Variants in TRAPPC10 observed in about 807,000 individuals in gnomAD.
TRAPPC10 encodes trafficking protein particle complex subunit 10.
A neutral mutation model predicts 125.5 loss-of-function variants in TRAPPC10; 23 were observed. The ratio of observed to expected loss-of-function variants is 0.18; its 90% CI spans 0.13 to 0.26. The LOEUF is 0.26. TRAPPC10 is among the 10% of genes least tolerant of loss of function. The pLI, the probability that TRAPPC10 is intolerant of heterozygous loss-of-function variation, is 1.00. For missense variants in TRAPPC10, 1,123 were observed against 1,308.4 expected, an observed-to-expected ratio of 0.86 and a Z score of 2.19; for synonymous variants, 509 against 518.0, an observed-to-expected ratio of 0.98 and a Z score of 0.24.
chr21:44,065,383 C>A (rs553113746), intron 7 of TRAPPC10, among the ~76,000 whole-genome samples: 1 of 152,186 alleles, frequency 6.6e-6, no homozygotes, highest in African/African-American at 2.4e-5. Flanking sequence ...AGCCTCTTAT[C>A]CGTGGTGTAT....
rs573535796 is a variant in TRAPPC10, at chr21:44,092,786, T to C, written c.2997+737T>C. Among the ~76,000 whole-genome samples, 22 of 152,176 alleles carry C rather than the reference T, an allele frequency of 1.4e-4. No individual in the cohort carries two copies. In the South Asian group the frequency reaches 3.9e-3, roughly 27 times the overall value. On this transcript the variant is annotated intron_variant, in intron 19 of 22. Coordinates refer to ENST00000291574, the MANE Select transcript of TRAPPC10 (RefSeq NM_003274.5). ...GATGTAAAGATTACTTTTTATCTTATTTTTTAAATTTTTATTTATCTTTTT... is the reference window on the plus strand; with the variant it reads ...GATGTAAAGATTACTTTTTATCTTACTTTTTAAATTTTTATTTATCTTTTT...
chr21:44,042,003 C>T (rs1268752371), intron 3 of TRAPPC10, among the ~76,000 whole-genome samples: 3 of 152,144 alleles, frequency 2.0e-5, no homozygotes, highest in East Asian at 1.9e-4. Flanking sequence ...TGAACCACGG[C>T]GCCCAGCCCC....
chr21:44,083,315 G>C lies in TRAPPC10; in HGVS notation c.2238+13G>C. On this transcript the variant is annotated intron_variant, in intron 14 of 22. Transcript: ENST00000291574. ...ATTCAGGACTCAGGTATGCGTTCAG[G>C]GTGGGAACTTGACTTTCAAGTTTGT... is the stretch of plus-strand genomic sequence containing the variant. 6.2e-7 allele frequency: 1 copy of C among 1,605,994 alleles called. No individual in the cohort carries two copies. The highest frequency in any genetic ancestry group is 8.5e-7 in the Non-Finnish European group (1 of 1,175,116).
At chr21:44,094,694 A>G (rs2038809248) in intron 20 of TRAPPC10, among the ~76,000 whole-genome samples, 1 of 152,226 alleles carries the variant, frequency 6.6e-6, no homozygotes, top group Non-Finnish European at 1.5e-5. Flanking sequence ...CATTTGGTAG[A>G]AGCCAATTTG....
At chr21:44,046,307 A>G (rs1176191363) in intron 3 of TRAPPC10, 1 of 251,742 alleles carries the variant, frequency 4.0e-6, no homozygotes, top group Non-Finnish European at 8.7e-6. Context: ...CAGCTGGTAG[A>G]GTATTTAGAG....
chr21:44,084,881 T>C (rs989419354), intron 15 of TRAPPC10, among the ~76,000 whole-genome samples: 1 of 152,216 alleles, frequency 6.6e-6, no homozygotes, highest in Non-Finnish European at 1.5e-5. Context: ...TGGATTATTA[T>C]AAGGGATATA....
At chr21:44,083,850 T>C (rs1569212070) in intron 14 of TRAPPC10, among the ~76,000 whole-genome samples, 1 of 152,242 alleles carries the variant, frequency 6.6e-6, no homozygotes, top group Non-Finnish European at 1.5e-5. Flanking sequence ...TGAATGTCTC[T>C]ACAATGCCAC....
chr21:44,073,872 C>G (rs1448863684), intron 7 of TRAPPC10, among the ~76,000 whole-genome samples: 1 of 152,098 alleles, frequency 6.6e-6, no homozygotes, highest in Admixed American at 6.5e-5. Context: ...TGTGACCAAG[C>G]AGTCATTTGA....
chr21:44,064,271 G>A (rs1193015633), intron 7 of TRAPPC10, among the ~76,000 whole-genome samples: 2 of 152,068 alleles, frequency 1.3e-5, no homozygotes, highest in South Asian at 4.1e-4. Flanking sequence ...TTGATTAGTA[G>A]TACGGAGCTT....
At chr21:44,031,918 G>T (rs559140007) in intron 1 of TRAPPC10, among the ~76,000 whole-genome samples, 173 bp from the exon 2 acceptor site, 2 of 152,282 alleles carry the variant, frequency 1.3e-5, no homozygotes, top group African/African-American at 4.8e-5. Flanking sequence ...CATCTGTCCC[G>T]TGCTGGGTTT....
At position 44,059,521 on chromosome 21, in the gene TRAPPC10, C is replaced by A. The variant is rs768720447; in HGVS notation, c.790+307C>A. The A allele has an allele frequency of 5.3e-6, 4 of 751,782 alleles. No homozygotes were observed. The Admixed American group carries it at 7.2e-5, about 14-fold the overall frequency. 46.6% of individuals were successfully genotyped at this position (751,782 alleles called of 1,614,324 possible). A position where few individuals can be genotyped will look rare whatever the true frequency, so the allele number is the denominator to read the frequency against. On this transcript the variant is annotated intron_variant, in intron 6 of 22. Coordinates refer to ENST00000291574, the MANE Select transcript of TRAPPC10 (RefSeq NM_003274.5). This position sits in a 1 kb window ranked among gnomAD's most constrained non-coding sequence, Gnocchi z 4.4. ...CTGCTGGTGATGCTTCGATTCTGTC[C>A]CTCGTTAGAATCAGAGTGGACGTCC...
At chr21:44,052,705 A>C (rs1347599060) in intron 4 of TRAPPC10, among the ~76,000 whole-genome samples, 1 of 151,802 alleles carries the variant, frequency 6.6e-6, no homozygotes, top group Non-Finnish European at 1.5e-5. Context: ...TCTTGGGCCC[A>C]TAGTCCTGGG....
chr21:44,073,477 A>G (rs564766781), intron 7 of TRAPPC10, among the ~76,000 whole-genome samples: 17 of 152,296 alleles, frequency 1.1e-4, no homozygotes, highest in East Asian at 1.9e-4. Flanking sequence ...AATGTGGGGG[A>G]AAACTGCATC....
rs141930416 is a variant in TRAPPC10, at chr21:44,083,077, G to C, written c.2013G>C (p.Leu671Phe). The change falls in exon 14 of 23, where the codon TTG (leucine) becomes TTC (phenylalanine). Residue 671 changes from leucine (L) to phenylalanine (F), a missense_variant. Coordinates refer to ENST00000291574, the MANE Select transcript of TRAPPC10 (RefSeq NM_003274.5). ...CTTTCCCTGTATCCCAAAACAGTTTGCCCGCGCTGGAGTTGTATGAAATGT... is the reference window on the plus strand; with the variant it reads ...CTTTCCCTGTATCCCAAAACAGTTTCCCCGCGCTGGAGTTGTATGAAATGT... ...TAPFPVSQNS[L>F]PALELYEMFE... 363 of 1,614,048 alleles carry C rather than the reference G, an allele frequency of 2.2e-4. 1 individual carries two copies. The highest frequency in any genetic ancestry group is 6.6e-4 in the Middle Eastern group (4 of 6,062).
chr21:44,028,787 G>A (rs1230472389), intron 1 of TRAPPC10, among the ~76,000 whole-genome samples: 3 of 152,204 alleles, frequency 2.0e-5, no homozygotes, highest in Admixed American at 6.5e-5. Context: ...TGTGAACAGG[G>A]TTTCTGAGTG....
At chr21:44,081,062 C>T (rs1334256608) in intron 13 of TRAPPC10, among the ~76,000 whole-genome samples, 1 of 125,040 alleles carries the variant, frequency 8.0e-6, no homozygotes, top group Non-Finnish European at 1.6e-5. Flanking sequence ...CTTGCCTGGG[C>T]TGGAGTGCAG....
chr21:44,025,424 A>G (rs2032946645), intron 1 of TRAPPC10, among the ~76,000 whole-genome samples: 1 of 152,216 alleles, frequency 6.6e-6, no homozygotes, highest in African/African-American at 2.4e-5. Context: ...CTGCTACAGT[A>G]ATGCTGTGTT....
intron 7 of TRAPPC10, among the ~76,000 whole-genome samples, chr21:44,068,809 C>T (rs778878923): frequency 6.6e-6 from 1 of 151,948 alleles, no homozygotes; most frequent in Non-Finnish European, 1.5e-5. Flanking sequence ...ACTATGTTGC[C>T]CAGGCTGGTC....
chr21:44,080,837 T>G (rs1247438181), intron 13 of TRAPPC10, among the ~76,000 whole-genome samples: 1 of 150,410 alleles, frequency 6.6e-6, no homozygotes. Context: ...CCGCACCCAG[T>G]CTTTTTCTTC....
Sources: gnomAD v4.1 joint callset for allele counts (sites outside exome capture counted in the v4.1 genomes callset) on GRCh38, gnomAD v4.1.1 for gene constraint, Gnocchi (gnomAD v3.1) non-coding constraint, MANE v1.5 for transcripts, NCBI Gene and HGNC (gene_info 2026-07-23, HGNC 2026-07-21) for gene names.